The following SEMA5A variants were observed in gnomAD, a reference collection of about 807,000 sequenced individuals.
SEMA5A encodes the protein semaphorin-5A.
In SEMA5A, 55 loss-of-function variants were observed where a neutral mutation model predicts 135.5. That is an observed-to-expected ratio of 0.41 (90% CI 0.33 to 0.51). The LOEUF is 0.51. Ranked by LOEUF, SEMA5A falls within the 20% of genes least tolerant of loss-of-function variation. SEMA5A has a pLI of 0.37. For synonymous variants in SEMA5A, 580 were observed against 546.5 expected, an observed-to-expected ratio of 1.06 and a Z score of -0.85; for missense variants, 1,290 against 1,419.9, an observed-to-expected ratio of 0.91 and a Z score of 1.47.
chr5:9,405,646 C>T (rs887117587), intron 2 of SEMA5A, among the ~76,000 whole-genome samples: 2 of 152,182 alleles, frequency 1.3e-5, no homozygotes, highest in East Asian at 1.9e-4. Context: ...TCTCTTGGGG[C>T]ATTTGCAAGG....
At chr5:9,409,170 T>C (rs1393381265) in intron 2 of SEMA5A, among the ~76,000 whole-genome samples, 1 of 152,170 alleles carries the variant, frequency 6.6e-6, no homozygotes, top group Non-Finnish European at 1.5e-5. Context: ...ATTAAATAGA[T>C]TTTCTACAGA....
intron 16 of SEMA5A, among the ~76,000 whole-genome samples, chr5:9,093,141 G>A (rs1026763491): frequency 1.3e-5 from 2 of 152,094 alleles, no homozygotes; most frequent in African/African-American, 4.8e-5. Flanking sequence ...ATTGTGATAA[G>A]GAAGGAAGTT....
At chr5:9,534,305 C>G (rs969735159) in intron 1 of SEMA5A, among the ~76,000 whole-genome samples, 1 of 152,192 alleles carries the variant, frequency 6.6e-6, no homozygotes, top group Admixed American at 6.5e-5. Flanking sequence ...AGGGCCAGCT[C>G]CAAAAACCTC....
At chr5:9,072,452 G>T (rs1737820816) in intron 16 of SEMA5A, among the ~76,000 whole-genome samples, 1 of 152,136 alleles carries the variant, frequency 6.6e-6, no homozygotes, top group African/African-American at 2.4e-5. Flanking sequence ...GGTAACAGAG[G>T]TTTTGACTTA....
At chr5:9,080,986 T>C (rs1291716659) in intron 16 of SEMA5A, among the ~76,000 whole-genome samples, 1 of 152,198 alleles carries the variant, frequency 6.6e-6, no homozygotes, top group Non-Finnish European at 1.5e-5. Context: ...CAGGTTACAA[T>C]AATCCACAAC....
intron 5 of SEMA5A, among the ~76,000 whole-genome samples, chr5:9,279,628 G>C (rs962685698): frequency 6.6e-6 from 1 of 152,140 alleles, no homozygotes; most frequent in Non-Finnish European, 1.5e-5. Context: ...GAGGGGCCTA[G>C]TGGAAGGTGA....
chr5:9,357,393 A>G (rs1012862259), intron 3 of SEMA5A, among the ~76,000 whole-genome samples: 6 of 152,226 alleles, frequency 3.9e-5, no homozygotes, highest in Non-Finnish European at 8.8e-5. Context: ...TATGGTCAGT[A>G]TAATAATGCT....
intron 1 of SEMA5A, among the ~76,000 whole-genome samples, chr5:9,539,006 A>G (rs1184434787): frequency 1.3e-5 from 2 of 152,226 alleles, no homozygotes; most frequent in Non-Finnish European, 2.9e-5. Flanking sequence ...TAAGTGTACA[A>G]TTTAATGATT....
At chr5:9,111,168 T>C (rs1740220274) in intron 15 of SEMA5A, among the ~76,000 whole-genome samples, 1 of 152,208 alleles carries the variant, frequency 6.6e-6, no homozygotes, top group African/African-American at 2.4e-5. Context: ...TAGCTCACTG[T>C]GGGTAGAAGG....
chr5:9,128,207 T>G (rs11741669), intron 13 of SEMA5A, among the ~76,000 whole-genome samples: 32,137 of 152,130 alleles, frequency 0.21, 3,598 homozygotes, highest in Non-Finnish European at 0.25. Flanking sequence ...CGGCCATGCT[T>G]CTGAACCTCA....
chr5:9,044,389 G>T lies in SEMA5A; in HGVS notation c.3089C>A (p.Ser1030Ter). Residue 1030 changes from serine to a stop codon, truncating the protein, a stop_gained, in exon 22 of 23, where the codon TCG (serine) becomes TAG (stop). Coordinates refer to ENST00000382496, the MANE Select transcript of SEMA5A (RefSeq NM_003966.3). LOFTEE classifies it high-confidence loss of function. ...NHINKLDKYD[S>*]VEAIKAFNKN... ...TTCACTTACCTTGATGGCCTCCACC[G>T]AGTCGTACTTGTCCAGTTTGTTGAT... 1 of 1,613,238 alleles carries T rather than the reference G, an allele frequency of 6.2e-7. No individual in the cohort carries two copies. Among genetic ancestry groups the T allele is most frequent in the Non-Finnish European group, 8.5e-7 (1 of 1,179,738 alleles).
At chr5:9,274,805 C>A (rs772177174) in intron 5 of SEMA5A, among the ~76,000 whole-genome samples, 3 of 152,094 alleles carry the variant, frequency 2.0e-5, no homozygotes, top group Non-Finnish European at 4.4e-5. Context: ...CACAATGTAC[C>A]AGAATCTCTG....
intron 5 of SEMA5A, among the ~76,000 whole-genome samples, chr5:9,276,129 C>T (rs1029604866): frequency 2.6e-5 from 4 of 152,174 alleles, no homozygotes; most frequent in Non-Finnish European, 5.9e-5. Flanking sequence ...GATACAAAAT[C>T]AATGTGCAAA....
At chr5:9,361,628 TA>T (rs1164806807) in intron 3 of SEMA5A, among the ~76,000 whole-genome samples, 1 of 152,250 alleles carries the variant, frequency 6.6e-6, no homozygotes, top group Non-Finnish European at 1.5e-5. Flanking sequence ...TCTTTCTCAC[TA>T]CGTCTATACT....
intron 1 of SEMA5A, among the ~76,000 whole-genome samples, chr5:9,520,504 T>G (rs112954976): frequency 0.014 from 2,129 of 151,998 alleles, 19 homozygotes; most frequent in Non-Finnish European, 0.022. Flanking sequence ...GGACAGGAGC[T>G]CAGAGCAGGG....
rs142732232 is a variant in SEMA5A at position 9,101,030 on chromosome 5, T to C, written c.2073+7110A>G. Among the ~76,000 whole-genome samples the C allele has an allele frequency of 1.3e-3, 202 of 152,328 alleles. 4 individuals are homozygous for C. The highest frequency in any genetic ancestry group is 4.3e-3 in the African/African-American group (177 of 41,582). On this transcript the variant is annotated intron_variant, in intron 16 of 22. Coordinates refer to ENST00000382496, the MANE Select transcript of SEMA5A (RefSeq NM_003966.3). ...ATATCTGGGGCTTTCCCAAGGTTTC[T>C]TGCATTCTTCTGGACCCTCAGTTAC...
Position 9,204,450 on chromosome 5 carries a change from A to C in SEMA5A, c.647-2210T>G, listed in dbSNP as rs2150373327. 6.6e-6 allele frequency among the ~76,000 whole-genome samples: 1 copy of C among 152,334 alleles called. No homozygotes were observed. The highest frequency in any genetic ancestry group is 1.9e-4 in the East Asian group (1 of 5,190). Reference sequence around the variant, plus strand: ...TGAGCTGAAAAACGAGAAGATACAAAGGAAGAAAGATCTTTTATGGTTTCC... The same window carrying C: ...TGAGCTGAAAAACGAGAAGATACAACGGAAGAAAGATCTTTTATGGTTTCC... On this transcript the variant is annotated intron_variant, in intron 8 of 22. Coordinates refer to ENST00000382496, the MANE Select transcript of SEMA5A (RefSeq NM_003966.3). The surrounding 1 kb of genome is among the most constrained non-coding windows in gnomAD (Gnocchi z 6.4).
intron 1 of SEMA5A, among the ~76,000 whole-genome samples, chr5:9,452,081 C>T (rs936490805): frequency 6.6e-6 from 1 of 152,232 alleles, no homozygotes; most frequent in Non-Finnish European, 1.5e-5. Flanking sequence ...ACCTTTTCCA[C>T]CAGATTTCTT....
At chr5:9,388,625 C>T (rs1161049563) in intron 2 of SEMA5A, among the ~76,000 whole-genome samples, 4 of 152,118 alleles carry the variant, frequency 2.6e-5, no homozygotes, top group Non-Finnish European at 5.9e-5. Flanking sequence ...ATAGGCCGCG[C>T]GTGGTGGCTC....
Sources: gnomAD v4.1 joint callset for allele counts (sites outside exome capture counted in the v4.1 genomes callset) on GRCh38, gnomAD v4.1.1 for gene constraint, Gnocchi (gnomAD v3.1) non-coding constraint, MANE v1.5 for transcripts, NCBI Gene and HGNC (gene_info 2026-07-23, HGNC 2026-07-21) for gene names.